PALM2AKAP2: variants seen among roughly 807,000 people sequenced by gnomAD.
PALM2AKAP2 encodes the protein PALM2-AKAP2 fusion protein.
In PALM2AKAP2, 37 loss-of-function variants were observed where a neutral mutation model predicts 71.5. The observed-to-expected ratio is 0.52, with a 90% CI of 0.40 to 0.68. The LOEUF is 0.68. Among genes scored for constraint, PALM2AKAP2 ranks in the 30% least tolerant of loss-of-function variants. The probability of loss-of-function intolerance (pLI) is 0.00; values close to 1 mark genes in which losing one functional copy is unlikely to be tolerated. For missense variants in PALM2AKAP2, 1,224 were observed against 1,191.8 expected (o/e 1.03, Z -0.40); for synonymous variants, 468 against 478.8 (o/e 0.98, Z 0.29).
At chr9:110,062,228 A>T (rs1833980733) in intron 1 of PALM2AKAP2, among the ~76,000 whole-genome samples, 1 of 152,114 alleles carries the variant, frequency 6.6e-6, no homozygotes, top group African/African-American at 2.4e-5. Flanking sequence ...TTAGCTAGTT[A>T]TCCTGATGCT....
At chr9:109,965,173 C>T (rs1168047953) in intron 6 of PALM2AKAP2, among the ~76,000 whole-genome samples, 1 of 152,170 alleles carries the variant, frequency 6.6e-6, no homozygotes, top group Non-Finnish European at 1.5e-5. Context: ...ACCTCTTTTT[C>T]CTATGAAGTG....
At chr9:110,015,917 G>T in intron 6 of PALM2AKAP2, 37 bp from the exon 7 acceptor site, 1 of 1,569,184 alleles carries the variant, frequency 6.4e-7, no homozygotes, top group South Asian at 1.1e-5. Flanking sequence ...TCAGCTGAAT[G>T]ACTTGGCTCA....
intron 1 of PALM2AKAP2, among the ~76,000 whole-genome samples, chr9:109,764,834 G>T (rs900743911): frequency 6.6e-6 from 1 of 151,964 alleles, no homozygotes; most frequent in African/African-American, 2.4e-5. Flanking sequence ...AAAAAGAAAA[G>T]AAAACTCTGA....
intron 1 of PALM2AKAP2, among the ~76,000 whole-genome samples, chr9:109,713,191 T>C (rs1828266877): frequency 6.6e-6 from 1 of 152,210 alleles, no homozygotes; most frequent in African/African-American, 2.4e-5. Context: ...AGGCATTTAT[T>C]GAATGCTCCC....
chr9:109,735,303 T>A, intron 1 of PALM2AKAP2, among the ~76,000 whole-genome samples: 1 of 151,368 alleles, frequency 6.6e-6, no homozygotes, highest in East Asian at 1.9e-4. Context: ...TCTTTTATGA[T>A]CTCCTAGCAC....
At chr9:109,894,170 C>T (rs1481962700) in intron 3 of PALM2AKAP2, among the ~76,000 whole-genome samples, 2 of 152,026 alleles carry the variant, frequency 1.3e-5, no homozygotes, top group East Asian at 3.9e-4. Flanking sequence ...AACCCCGTCT[C>T]TACTAAAAAT....
At chr9:110,151,841 C>T (rs1291640125) in intron 2 of PALM2AKAP2, among the ~76,000 whole-genome samples, 1 of 152,224 alleles carries the variant, frequency 6.6e-6, no homozygotes, top group East Asian at 1.9e-4. Flanking sequence ...CTGTAAATGT[C>T]AGGGCTGGCC....
chr9:110,087,843 G>A (rs1834609115), intron 1 of PALM2AKAP2, among the ~76,000 whole-genome samples: 1 of 152,180 alleles, frequency 6.6e-6, no homozygotes, highest in South Asian at 2.1e-4. Flanking sequence ...GTAGAGGAGG[G>A]AAGCAAACAC....
At chr9:110,006,153 C>A (rs568204115) in intron 6 of PALM2AKAP2, among the ~76,000 whole-genome samples, 1 of 152,060 alleles carries the variant, frequency 6.6e-6, no homozygotes, top group East Asian at 1.9e-4. Context: ...TGTTCCTATT[C>A]GGCCATCTTG....
chr9:109,793,418 C>T (rs1260717619), intron 1 of PALM2AKAP2, among the ~76,000 whole-genome samples: 3 of 152,220 alleles, frequency 2.0e-5, no homozygotes, highest in Non-Finnish European at 4.4e-5. Flanking sequence ...TCTTATACTG[C>T]ACTGAGCAGG....
At chr9:109,733,936 T>C (rs1050543329) in intron 1 of PALM2AKAP2, among the ~76,000 whole-genome samples, 2 of 152,244 alleles carry the variant, frequency 1.3e-5, no homozygotes, top group African/African-American at 4.8e-5. Flanking sequence ...GACTGGAATA[T>C]GGTTCCAGGT....
intron 6 of PALM2AKAP2, among the ~76,000 whole-genome samples, chr9:109,933,630 A>G (rs1330768940): frequency 6.6e-6 from 1 of 152,258 alleles, no homozygotes; most frequent in Admixed American, 6.5e-5. Flanking sequence ...ACCACAACCC[A>G]GCTCCCTTTA....
intron 1 of PALM2AKAP2, among the ~76,000 whole-genome samples, chr9:110,092,510 G>T (rs770993514): frequency 6.6e-6 from 1 of 152,120 alleles, no homozygotes; most frequent in Non-Finnish European, 1.5e-5. Context: ...TTAGTAAAAA[G>T]AATATACTGA....
intron 1 of PALM2AKAP2, among the ~76,000 whole-genome samples, chr9:109,859,130 T>C (rs1389152867): frequency 1.3e-5 from 2 of 152,222 alleles, no homozygotes; most frequent in East Asian, 3.8e-4. Context: ...GGGTGTTAAA[T>C]TACCCCTTCT....
chr9:110,135,064 C>G (rs1835816883), intron 1 of PALM2AKAP2, among the ~76,000 whole-genome samples: 1 of 146,084 alleles, frequency 6.8e-6, no homozygotes, highest in Non-Finnish European at 1.5e-5. Flanking sequence ...GTCTGTAATC[C>G]CAGCACTTCG....
At chr9:109,794,952 C>G (rs1827210858) in intron 1 of PALM2AKAP2, among the ~76,000 whole-genome samples, 1 of 152,168 alleles carries the variant, frequency 6.6e-6, no homozygotes, top group Admixed American at 6.5e-5. Context: ...AGATGGACAG[C>G]CTTTGCTTTT....
At chr9:110,054,379 A>G (rs1441539609) in intron 1 of PALM2AKAP2, among the ~76,000 whole-genome samples, 2 of 152,032 alleles carry the variant, frequency 1.3e-5, no homozygotes, top group Non-Finnish European at 2.9e-5. Flanking sequence ...AGCCTGGGCA[A>G]CAAGAGTGAA....
chr9:110,091,822 A>G (rs766638060), intron 1 of PALM2AKAP2, among the ~76,000 whole-genome samples: 3 of 152,178 alleles, frequency 2.0e-5, no homozygotes, highest in Non-Finnish European at 2.9e-5. Context: ...GTACATCTCT[A>G]TGAGTTTAGA....
At chr9:109,776,975 T>C (rs1829357798), upstream of PALM2AKAP2, among the ~76,000 whole-genome samples, 2 of 152,224 alleles carry the variant, frequency 1.3e-5, no homozygotes, top group South Asian at 4.1e-4. Context: ...AACCCATCCC[T>C]AACTCCCACA....
Sources: gnomAD v4.1 joint callset for allele counts (sites outside exome capture counted in the v4.1 genomes callset) on GRCh38, gnomAD v4.1.1 for gene constraint, MANE v1.5 for transcripts, NCBI Gene and HGNC (gene_info 2026-07-23, HGNC 2026-07-21) for gene names.